The following OR2Z1 variants were observed in gnomAD, a reference collection of about 807,000 sequenced individuals.
The protein encoded by OR2Z1 is olfactory receptor family 2 subfamily Z member 1.
For missense variants in OR2Z1, 449 were observed against 401.8 expected (o/e 1.12, Z -1.00); for synonymous variants, 188 against 160.6 (o/e 1.17, Z -1.29).
chr19:8,728,883 T>C, intron 2 of OR2Z1: 1 of 649,200 alleles, frequency 1.5e-6, no homozygotes, highest in Non-Finnish European at 2.9e-6. Context: ...CTGTTTGATC[T>C]GGTGCTTGTT....
intron 2 of OR2Z1, among the ~76,000 whole-genome samples, chr19:8,724,472 C>T (rs1006391429): frequency 1.6e-4 from 24 of 152,042 alleles, no homozygotes; most frequent in African/African-American, 5.3e-4. Context: ...CTGGGCTGGT[C>T]CCAGCCTCCC....
chr19:8,724,047 T>A (rs1211767593), intron 2 of OR2Z1, among the ~76,000 whole-genome samples: 5 of 151,730 alleles, frequency 3.3e-5, no homozygotes, highest in Non-Finnish European at 7.4e-5. Flanking sequence ...ATCTTGAATA[T>A]CTATTACAGT....
At chr19:8,728,790 C>G in intron 2 of OR2Z1, 1 of 624,808 alleles carries the variant, frequency 1.6e-6, no homozygotes, top group Non-Finnish European at 3.0e-6. Context: ...AGGAGCCAGT[C>G]GAACATATGC....
In OR2Z1 at chr19:8,724,393, G is replaced by C. The variant is rs150946868; in HGVS notation, c.-170+1243G>C. 4.1e-3 allele frequency among the ~76,000 whole-genome samples: 626 copies of C among 152,048 alleles called. 5 individuals are homozygous for C. The highest frequency in any genetic ancestry group is 0.014 in the African/African-American group (595 of 41,444). ...CGGGACTATAAGCATGTGCCACCAT[G>C]CCTGGCTAATTTTTCTATTTCTTGT... is the stretch of plus-strand genomic sequence containing the variant. On this transcript the variant is annotated intron_variant, in intron 2 of 2. Transcript: ENST00000641125.
At chr19:8,730,639 C>T (rs1425810108) in intron 2 of OR2Z1, among the ~76,000 whole-genome samples, 4 of 152,074 alleles carry the variant, frequency 2.6e-5, no homozygotes, top group African/African-American at 9.7e-5. Flanking sequence ...AGGCTGGTCT[C>T]GAACTCCTGA....
intron 2 of OR2Z1, among the ~76,000 whole-genome samples, chr19:8,728,436 G>GC (rs1337093152): frequency 2.0e-5 from 3 of 152,146 alleles, no homozygotes; most frequent in Non-Finnish European, 4.4e-5. Context: ...ATGCAGTGAA[G>GC]CCACCAGTAA....
intron 2 of OR2Z1, among the ~76,000 whole-genome samples, chr19:8,727,159 G>C (rs539637019): frequency 6.6e-6 from 1 of 152,056 alleles, no homozygotes; most frequent in Non-Finnish European, 1.5e-5. Context: ...GCCCAGGCTG[G>C]TCTCAAACTC....
chr19:8,732,061 G>A lies in OR2Z1; in HGVS notation c.*88G>A. 9.8e-7 allele frequency: 1 copy of A among 1,024,430 alleles called. No individual in the cohort carries two copies. Among genetic ancestry groups the A allele is most frequent in the Non-Finnish European group, 1.4e-6 (1 of 690,090 alleles). 63.5% of individuals were successfully genotyped at this position (1,024,430 alleles called of 1,614,324 possible). A position where few individuals can be genotyped will look rare whatever the true frequency, so the allele number is the denominator to read the frequency against. On this transcript the variant is annotated 3_prime_UTR_variant, in exon 3 of 3. Coordinates refer to ENST00000641125, the MANE Select transcript of OR2Z1 (RefSeq NM_001004699.3). ...GCATTTGGCATTCAATTGCCAATTT[G>A]TGCAACTGGCCAAATATCCAGCCAT...
chr19:8,726,829 A>G (rs1482470827), intron 2 of OR2Z1, among the ~76,000 whole-genome samples: 1 of 152,206 alleles, frequency 6.6e-6, no homozygotes, highest in Non-Finnish European at 1.5e-5. Flanking sequence ...GCCTCATGAC[A>G]AAGAGCTCCA....
Position 8,721,640 on chromosome 19 carries a change from C to A in OR2Z1, c.-617C>A, listed in dbSNP as rs947959737. 2 of 152,228 alleles carry A rather than the reference C, an allele frequency of 1.3e-5. No homozygotes were observed. Among genetic ancestry groups the A allele is most frequent in the East Asian group, 1.9e-4 (1 of 5,202 alleles). 9.4% of individuals were successfully genotyped at this position (152,228 alleles called of 1,614,324 possible). On this transcript the variant is annotated 5_prime_UTR_variant, in exon 1 of 3. Coordinates refer to ENST00000641125, the MANE Select transcript of OR2Z1 (RefSeq NM_001004699.3). ...TGTCTACCTCTTGGACATTTGCCAA[C>A]CTGCACGCTGGATGCATCTTACCTT...
At chr19:8,722,630 T>C (rs1165249019) in intron 1 of OR2Z1, among the ~76,000 whole-genome samples, 3 of 152,172 alleles carry the variant, frequency 2.0e-5, no homozygotes, top group Non-Finnish European at 2.9e-5. Flanking sequence ...TCATGGCTAC[T>C]TTTTCCAGCT....
Position 8,731,597 on chromosome 19 carries a change from C to T in OR2Z1, c.569C>T (p.Ala190Val). The stretch of plus-strand genomic sequence containing the variant: ...CCAGCCCTACTGAAGCTCTCCTGTG[C>T]AGATACCTGTGCCTACGAGATGGCG... ...EVPALLKLSCADTCAYEMALS... is the reference protein window; with the variant it reads ...EVPALLKLSCVDTCAYEMALS... The change falls in exon 3 of 3, where the codon GCA becomes GTA. Residue 190 changes from alanine (A) to valine (V), a missense_variant. Physicochemically the swap from Ala to Val is moderately conservative, Grantham distance 64 (BLOSUM62 0). Coordinates refer to ENST00000641125, the MANE Select transcript of OR2Z1 (RefSeq NM_001004699.3). 1.9e-6 allele frequency: 3 copies of T among 1,613,264 alleles called. No homozygotes were observed. The highest frequency in any genetic ancestry group is 1.7e-6 in the Non-Finnish European group (2 of 1,180,012).
In OR2Z1 at chr19:8,722,677, T is replaced by G. The variant is rs1487525530; in HGVS notation, c.-214-429T>G. On this transcript the variant is annotated intron_variant, in intron 1 of 2. Coordinates refer to ENST00000641125, the MANE Select transcript of OR2Z1 (RefSeq NM_001004699.3). ...ACTGTGGGGCAGCAGGTGAGAGAGG[T>G]TGGATGGGTGGAACATTTTTTTCTG... Among the ~76,000 whole-genome samples, 4 of 151,694 alleles carry G rather than the reference T, an allele frequency of 2.6e-5. No individual in the cohort carries two copies. In the East Asian group the frequency reaches 7.7e-4, roughly 29 times the overall value.
Position 8,731,993 on chromosome 19 carries a change from G to A in OR2Z1, c.*20G>A. 1 of 1,572,312 alleles carries A rather than the reference G, an allele frequency of 6.4e-7. No individual in the cohort carries two copies. The highest frequency in any genetic ancestry group is 1.1e-5 in the South Asian group (1 of 88,518). ...TGCTGACTACATAGAAACTGCTGGT[G>A]AGATTCCAGCGGTCCTCGATCCCAC... On this transcript the variant is annotated 3_prime_UTR_variant, in exon 3 of 3. Transcript: ENST00000641125.
At chr19:8,726,140 T>C (rs2043326381) in intron 2 of OR2Z1, among the ~76,000 whole-genome samples, 1 of 152,162 alleles carries the variant, frequency 6.6e-6, no homozygotes, top group Non-Finnish European at 1.5e-5. Context: ...TAATTTTTTG[T>C]ATTTTTAGTA....
chr19:8,724,006 GTGTGTA>G (rs1220658031), intron 2 of OR2Z1, among the ~76,000 whole-genome samples: 42 of 120,522 alleles, frequency 3.5e-4, no homozygotes, highest in African/African-American at 1.4e-3. Flanking sequence ...GTGTGTGTGT[GTGTGTA>G]TGTGTGTGTG....
intron 2 of OR2Z1, among the ~76,000 whole-genome samples, chr19:8,728,259 A>G (rs2043335895): frequency 6.6e-6 from 1 of 152,212 alleles, no homozygotes; most frequent in Admixed American, 6.5e-5. Flanking sequence ...GAAGAGAGGA[A>G]GTATTCCTGA....
chr19:8,730,918 C>G lies in OR2Z1; in HGVS notation c.-111C>G, dbSNP rs1257665386. ...CTCAAGACACCATCCCAGGAAGCCACTACCAATCAATGATGATTGGCATGT... is the reference window on the plus strand; with the variant it reads ...CTCAAGACACCATCCCAGGAAGCCAGTACCAATCAATGATGATTGGCATGT... On this transcript the variant is annotated 5_prime_UTR_variant, in exon 3 of 3. Coordinates refer to ENST00000641125, the MANE Select transcript of OR2Z1 (RefSeq NM_001004699.3). 2 of 795,880 alleles carry G rather than the reference C, an allele frequency of 2.5e-6. No individual in the cohort carries two copies. The highest frequency in any genetic ancestry group is 3.5e-5 in the African/African-American group (2 of 57,830). The allele number at this position is 795,880 out of a possible 1,614,324, so 49.3% of individuals were successfully genotyped here.
intron 2 of OR2Z1, among the ~76,000 whole-genome samples, chr19:8,724,351 T>C (rs2145075619): frequency 6.6e-6 from 1 of 152,146 alleles, no homozygotes; most frequent in African/African-American, 2.4e-5. Flanking sequence ...GCCTCCCACC[T>C]TAGCCTCCCA....
Sources: allele counts gnomAD v4.1 joint callset (sites outside exome capture counted in the v4.1 genomes callset), GRCh38; gene constraint gnomAD v4.1.1; transcripts MANE v1.5; gene names NCBI Gene and HGNC (gene_info 2026-07-23, HGNC 2026-07-21).